Variants in BRD1 observed in about 807,000 individuals in gnomAD.
The protein encoded by BRD1 is bromodomain containing 1.
In BRD1, 24 loss-of-function variants were observed where a neutral mutation model predicts 107.7. The ratio of observed to expected loss-of-function variants is 0.22; its 90% CI spans 0.16 to 0.31. BRD1 has a LOEUF of 0.31. Ranked by LOEUF, BRD1 falls within the 10% of genes least tolerant of loss-of-function variation. BRD1 has a pLI of 1.00. For synonymous variants in BRD1, 744 were observed against 686.1 expected, an observed-to-expected ratio of 1.08 and a Z score of -1.32; for missense variants, 1,279 against 1,638.6, an observed-to-expected ratio of 0.78 and a Z score of 3.79.
At chr22:49,808,742 T>C (rs1485656751) in intron 2 of BRD1, among the ~76,000 whole-genome samples, 1 of 152,198 alleles carries the variant, frequency 6.6e-6, no homozygotes, top group Admixed American at 6.5e-5. Flanking sequence ...GAGAGTTAAA[T>C]GGAATGTGCA....
chr22:49,803,998 G>A lies in BRD1; in HGVS notation c.1524+206C>T, dbSNP rs941694754. ...GGAAGAAACACCCAGTGACAGGCAT[G>A]GATGAGAATCACCCCCCGAGTCGCA... On this transcript the variant is annotated intron_variant, in intron 3 of 12. Coordinates refer to ENST00000404760, the MANE Select transcript of BRD1 (RefSeq NM_001304808.3). This position sits in a 1 kb window ranked among gnomAD's most constrained non-coding sequence, Gnocchi z 4.4. Among the ~76,000 whole-genome samples, 2 of 152,342 alleles carry A rather than the reference G, an allele frequency of 1.3e-5. No homozygotes were observed. The highest frequency in any genetic ancestry group is 1.3e-4 in the Admixed American group (2 of 15,308).
chr22:49,796,904 G>C (rs892743993), intron 6 of BRD1, among the ~76,000 whole-genome samples: 2 of 152,260 alleles, frequency 1.3e-5, no homozygotes, highest in Non-Finnish European at 2.9e-5. Context: ...CATCCCAGAA[G>C]AAGCGACCTA....
chr22:49,816,776 G>A (rs1409094120), intron 2 of BRD1, among the ~76,000 whole-genome samples: 2 of 152,338 alleles, frequency 1.3e-5, no homozygotes, highest in East Asian at 1.9e-4. Context: ...ACTGCAGGAA[G>A]TGAGTCCAGG....
At chr22:49,794,741 T>G (rs2059498778) in intron 6 of BRD1, among the ~76,000 whole-genome samples, 1 of 152,240 alleles carries the variant, frequency 6.6e-6, no homozygotes, top group Non-Finnish European at 1.5e-5. Flanking sequence ...TGTGTTAAGT[T>G]AGGGCCATTG....
Position 49,776,062 on chromosome 22 carries a change from G to C in BRD1, c.3219C>G (p.Ser1073=). The change falls in exon 11 of 13, where the codon TCC becomes TCG. Residue 1073 remains serine, a synonymous_variant. Transcript: ENST00000404760. ...VVWAKCSGYP[S]YPALIIDPKM... ...GAGCCGTACTCACCAGTGCCGGGTA[G>C]GAGGGGTAGCCGCTGCACTTGGCCC... 1.9e-6 allele frequency: 3 copies of C among 1,578,052 alleles called. No individual in the cohort carries two copies. The highest frequency in any genetic ancestry group is 2.6e-6 in the Non-Finnish European group (3 of 1,168,494).
At chr22:49,817,571 C>A (rs1165741264) in intron 2 of BRD1, 1 of 194,728 alleles carries the variant, frequency 5.1e-6, no homozygotes, top group South Asian at 1.1e-4. Context: ...CTAGACTGCT[C>A]TGTTCACCTC....
chr22:49,776,572 C>T (rs892456084), intron 10 of BRD1, among the ~76,000 whole-genome samples: 5 of 152,250 alleles, frequency 3.3e-5, no homozygotes, highest in African/African-American at 1.2e-4. Flanking sequence ...GCTGTCCCTC[C>T]CACCTGGGGG....
At chr22:49,808,440 G>A (rs1392546181) in intron 2 of BRD1, among the ~76,000 whole-genome samples, 2 of 152,208 alleles carry the variant, frequency 1.3e-5, no homozygotes, top group African/African-American at 2.4e-5. Context: ...AATACTGCCT[G>A]ATTGCGCTTA....
intron 9 of BRD1, 120 bp from the exon 10 acceptor site, chr22:49,777,281 G>A (rs1180623762): frequency 2.3e-5 from 34 of 1,463,278 alleles, no homozygotes; most frequent in Middle Eastern, 2.4e-4. Context: ...ACACCCCCGC[G>A]GCCAGACGGG....
chr22:49,826,265 G>C (rs1186409283), intron 1 of BRD1: 10 of 985,246 alleles, frequency 1.0e-5, no homozygotes, highest in Non-Finnish European at 1.2e-5. Context: ...GCTCTTCATC[G>C]CAACACTTTC....
At chr22:49,778,389 A>G (rs138826) in intron 8 of BRD1, among the ~76,000 whole-genome samples, 12,409 of 152,346 alleles carry the variant, frequency 0.081, 658 homozygotes, top group South Asian at 0.11. Context: ...ATCCGGGGCC[A>G]TCGCCGTGTC....
chr22:49,802,091 T>G (rs1180596633), intron 3 of BRD1, among the ~76,000 whole-genome samples: 1 of 152,170 alleles, frequency 6.6e-6, no homozygotes, highest in Non-Finnish European at 1.5e-5. Context: ...AACCCTCAAC[T>G]TCCTCCCAAA....
chr22:49,783,619 G>A lies in BRD1; in HGVS notation c.2857+3771C>T, dbSNP rs1187685971. ...GCAGCAGGCTCCCAGTCGGTGCCGG[G>A]CTCTCCTCTGCGTCCTTCGTGACTG... On this transcript the variant is annotated intron_variant, in intron 8 of 12. Transcript: ENST00000404760. This position sits in a 1 kb window ranked among gnomAD's most constrained non-coding sequence, Gnocchi z 4.2. 1.3e-5 allele frequency among the ~76,000 whole-genome samples: 2 copies of A among 152,222 alleles called. No homozygotes were observed. The highest frequency in any genetic ancestry group is 2.1e-4 in the South Asian group (1 of 4,828).
At position 49,827,003 on chromosome 22, in the gene BRD1, C is replaced by G. The variant is rs936388451; in HGVS notation, c.-15+494G>C. ...CGCGGTGCCGGTTCCCAAGCCCGGC[C>G]GCCGCAGGCCGCGCGGCTCCTGGGC... On this transcript the variant is annotated intron_variant, in intron 1 of 12. Coordinates refer to ENST00000404760, the MANE Select transcript of BRD1 (RefSeq NM_001304808.3). 3.4e-4 allele frequency among the ~76,000 whole-genome samples: 52 copies of G among 152,244 alleles called. 1 individual carries two copies. The highest frequency in any genetic ancestry group is 5.7e-4 in the Non-Finnish European group (39 of 67,988).
intron 11 of BRD1, 70 bp from the exon 12 acceptor site, chr22:49,775,815 A>ACCCCC: frequency 7.9e-6 from 9 of 1,141,502 alleles, no homozygotes; most frequent in South Asian, 3.8e-5. Flanking sequence ...TGTCACTGGC[A>ACCCCC]CCCCCCCCCG....
rs2059251778 is a variant in BRD1 at position 49,783,331 on chromosome 22, A to C, written c.2857+4059T>G. ...CAAGAATCCACTGGGCATTGTGGGG[A>C]AAAAACAGAGGAAGGGGAAGTAAGG... On this transcript the variant is annotated intron_variant, in intron 8 of 12. Transcript: ENST00000404760. The surrounding 1 kb of genome is among the most constrained non-coding windows in gnomAD (Gnocchi z 4.2). Among the ~76,000 whole-genome samples, 2 of 152,226 alleles carry C rather than the reference A, an allele frequency of 1.3e-5. No individual in the cohort carries two copies. Among genetic ancestry groups the C allele is most frequent in the Non-Finnish European group, 2.9e-5 (2 of 68,032 alleles).
Position 49,787,856 on chromosome 22 carries a change from T to C in BRD1, c.2391A>G (p.Ser797=). ...AGTTTGAAGGAAGAGGTAATGCATC[T>C]GATGGTTCAAGTTTAGGGGGAGATT... ...GDKSPPKLEP[S]DALPLPSNSE... is the part of the protein sequence containing the mutation. Residue 797 remains serine (S), a synonymous_variant, in exon 8 of 13, where the codon TCA becomes TCG. Coordinates refer to ENST00000404760, the MANE Select transcript of BRD1 (RefSeq NM_001304808.3). 1 of 1,545,878 alleles carries C rather than the reference T, an allele frequency of 6.5e-7. No homozygotes were observed. Among genetic ancestry groups the C allele is most frequent in the Admixed American group, 2.0e-5 (1 of 50,606 alleles).
chr22:49,797,779 C>T (rs1232691370), intron 6 of BRD1, 26 bp downstream of exon 6: 1 of 1,561,070 alleles, frequency 6.4e-7, no homozygotes, highest in Admixed American at 1.8e-5. Flanking sequence ...TCTTCCACCT[C>T]CTCCGGACAC....
chr22:49,793,688 T>C (rs1407059632), intron 7 of BRD1, among the ~76,000 whole-genome samples: 2 of 152,250 alleles, frequency 1.3e-5, no homozygotes, highest in African/African-American at 4.8e-5. Context: ...ACTCTCATCA[T>C]TCAGGCTACC....
Sources: gnomAD v4.1 joint callset for allele counts (sites outside exome capture counted in the v4.1 genomes callset) on GRCh38, gnomAD v4.1.1 for gene constraint, Gnocchi (gnomAD v3.1) non-coding constraint, MANE v1.5 for transcripts, NCBI Gene and HGNC (gene_info 2026-07-23, HGNC 2026-07-21) for gene names.